Variants in SNUPN observed in about 807,000 individuals in gnomAD.
The protein encoded by SNUPN is snurportin 1.
In SNUPN, 31 loss-of-function variants were observed where a neutral mutation model predicts 39.2. The observed-to-expected ratio is 0.79, with a 90% CI of 0.59 to 1.07. The LOEUF (loss-of-function observed/expected upper bound fraction) is 1.07. SNUPN is among the 50% of genes least tolerant of loss of function. SNUPN has a pLI of 0.00. For missense variants in SNUPN, 382 were observed against 434.2 expected, an observed-to-expected ratio of 0.88 and a Z score of 1.07; for synonymous variants, 132 against 159.0, an observed-to-expected ratio of 0.83 and a Z score of 1.28.
Position 75,598,438 on chromosome 15 carries a change from C to G in SNUPN, c.1003G>C (p.Glu335Gln). ...TTGGGAGTAGACAGGTGCTCCAATT[C>G]ATAGTGCCCATTCTCAGAGGCCTTG... is the stretch of plus-strand genomic sequence containing the variant. ...THKASENGHY[E>Q]LEHLSTPKLK... Residue 335 changes from glutamate (E) to glutamine (Q), a missense_variant, in exon 9 of 9, where the codon GAA (glutamate) becomes CAA (glutamine). By Grantham distance (29) the Glu-to-Gln change is conservative. Coordinates refer to ENST00000308588, the MANE Select transcript of SNUPN (RefSeq NM_005701.4). 4 of 1,614,210 alleles carry G rather than the reference C, an allele frequency of 2.5e-6. No homozygotes were observed. The highest frequency in any genetic ancestry group is 3.4e-6 in the Non-Finnish European group (4 of 1,180,042).
chr15:75,621,191 T>C, intron 1 of SNUPN, 135 bp from the exon 2 acceptor site: 8 of 776,560 alleles, frequency 1.0e-5, no homozygotes, highest in Non-Finnish European at 1.7e-5. Flanking sequence ...AGTGTTTCCA[T>C]GAGACAAAAG....
rs764052472 is a variant in SNUPN at position 75,607,206 on chromosome 15, C to A, written c.600+10G>T. 63 of 1,594,418 alleles carry A rather than the reference C, an allele frequency of 4.0e-5. No homozygotes were observed. Among genetic ancestry groups the A allele is most frequent in the Non-Finnish European group, 5.2e-5 (60 of 1,162,288 alleles). ...ACAGGAAGAGCCACGAGAGGAGGATCCATCCCTACCTGGCAATCATAAAAA... is the reference window on the plus strand; with the variant it reads ...ACAGGAAGAGCCACGAGAGGAGGATACATCCCTACCTGGCAATCATAAAAA... On this transcript the variant is annotated intron_variant, in intron 6 of 8. Transcript: ENST00000308588.
chr15:75,609,533 A>T (rs754294691), intron 5 of SNUPN, 25 bp downstream of exon 5: 1 of 1,582,228 alleles, frequency 6.3e-7, no homozygotes, highest in South Asian at 1.1e-5. Flanking sequence ...TTACTGATCA[A>T]TAAGTAGACA....
intron 5 of SNUPN, among the ~76,000 whole-genome samples, chr15:75,609,283 G>A (rs1488865739): frequency 1.4e-5 from 2 of 139,718 alleles, no homozygotes; most frequent in Non-Finnish European, 3.0e-5. Context: ...TCCGCTTCCT[G>A]GGTTCACGCC....
intron 7 of SNUPN, among the ~76,000 whole-genome samples, chr15:75,602,457 C>T (rs938561305): frequency 3.4e-5 from 5 of 147,572 alleles, no homozygotes; most frequent in South Asian, 2.1e-4. Flanking sequence ...ACCTGGGAGG[C>T]GGAGGTTGCA....
chr15:75,616,146 GT>G (rs59630734), intron 3 of SNUPN, among the ~76,000 whole-genome samples: 26 of 147,384 alleles, frequency 1.8e-4, no homozygotes, highest in Non-Finnish European at 2.9e-4. Flanking sequence ...ATTCTATTGT[GT>G]TTTTTTTTTT....
chr15:75,610,017 T>C lies in SNUPN; in HGVS notation c.304-23A>G. The C allele has an allele frequency of 2.5e-6, 4 of 1,569,378 alleles. No individual in the cohort carries two copies. In the Admixed American group the frequency reaches 6.7e-5, roughly 26 times the overall value. The stretch of plus-strand genomic sequence containing the variant: ...CAACTGGAAATGCAAAAAATAGTGT[T>C]AAAGATCAGCAGGGGTGTGCTACTC... On this transcript the variant is annotated intron_variant, in intron 3 of 8. Transcript: ENST00000308588.
chr15:75,618,518 G>A (rs1012122074), intron 2 of SNUPN, among the ~76,000 whole-genome samples: 17 of 151,862 alleles, frequency 1.1e-4, no homozygotes, highest in African/African-American at 4.1e-4. Flanking sequence ...GAAAGTTTGG[G>A]AAACTGAAAA....
intron 1 of SNUPN, 104 bp from the exon 2 acceptor site, chr15:75,621,160 T>A (rs1010391767): frequency 8.8e-7 from 1 of 1,141,812 alleles, no homozygotes; most frequent in Non-Finnish European, 1.2e-6. Flanking sequence ...TGAAAAAAAA[T>A]TAACTTAATG....
chr15:75,598,746 A>G, intron 8 of SNUPN, 65 bp from the exon 9 acceptor site: 3 of 1,332,126 alleles, frequency 2.3e-6, no homozygotes, highest in South Asian at 1.4e-5. Context: ...AGGAGAGCCT[A>G]TACACACAAG....
chr15:75,619,306 G>T (rs989505579), intron 2 of SNUPN, among the ~76,000 whole-genome samples: 1 of 150,898 alleles, frequency 6.6e-6, no homozygotes, highest in African/African-American at 2.4e-5. Flanking sequence ...AAAAGCTTTT[G>T]TACACATACT....
chr15:75,622,388 A>G lies in SNUPN; in HGVS notation c.-5-1332T>C, dbSNP rs1468370440. On this transcript the variant is annotated intron_variant, in intron 1 of 8. Coordinates refer to ENST00000308588, the MANE Select transcript of SNUPN (RefSeq NM_005701.4). ...GAAGGCTGCTTAACAAGTAACGTCA[A>G]TGCTCCAGTAGTGTGAAGAACTTCC... The G allele has an allele frequency of 7.1e-6, 7 of 985,290 alleles. No homozygotes were observed. In the African/African-American group the frequency reaches 8.7e-5, roughly 12 times the overall value. 61.0% of individuals were successfully genotyped at this position (985,290 alleles called of 1,614,324 possible).
intron 5 of SNUPN, among the ~76,000 whole-genome samples, chr15:75,607,594 C>T (rs538537174): frequency 6.6e-6 from 1 of 152,346 alleles, no homozygotes; most frequent in Admixed American, 6.5e-5. Flanking sequence ...CACATTTACT[C>T]ACCTCAACGA....
At chr15:75,609,681 T>C (rs1033679315) in intron 4 of SNUPN, 30 bp from the exon 5 acceptor site, 30 of 1,540,960 alleles carry the variant, frequency 1.9e-5, no homozygotes, top group African/African-American at 2.7e-5. Flanking sequence ...CCATTCTTAT[T>C]AGACCTCAAG....
chr15:75,605,175 A>G lies in SNUPN; in HGVS notation c.653T>C (p.Leu218Pro), dbSNP rs373228145. ...AGGATTAAGCTTGGTTTTCTCTCCC[A>G]GTCCTTCTTCTTCTGGTAACTTTGA... ...MHSKLPEEEGLGEKTKLNPFK... is the reference protein window; with the variant it reads ...MHSKLPEEEGPGEKTKLNPFK... Residue 218 changes from leucine to proline, a missense_variant, in exon 7 of 9, where the codon CTG (leucine) becomes CCG (proline). Transcript: ENST00000308588. 1.9e-6 allele frequency: 3 copies of G among 1,613,434 alleles called. No homozygotes were observed. In the African/African-American group the frequency reaches 4.0e-5, roughly 22 times the overall value.
At position 75,610,084 on chromosome 15, in the gene SNUPN, T is replaced by C. The variant is rs1020069288; in HGVS notation, c.304-90A>G. The C allele has an allele frequency of 9.3e-5, 92 of 991,046 alleles. No homozygotes were observed. The Admixed American group carries it at 1.4e-3, about 15-fold the overall frequency. The allele number at this position is 991,046 out of a possible 1,614,324, so 61.4% of individuals were successfully genotyped here. On this transcript the variant is annotated intron_variant, in intron 3 of 8. Coordinates refer to ENST00000308588, the MANE Select transcript of SNUPN (RefSeq NM_005701.4). ...AAGGCATTAATATCCTGTGTGTATA[T>C]TAAAAACCTGAGTGAAAGAATGAGG...
chr15:75,611,760 C>T (rs1240852775), intron 3 of SNUPN, among the ~76,000 whole-genome samples: 2 of 151,684 alleles, frequency 1.3e-5, no homozygotes, highest in Non-Finnish European at 2.9e-5. Flanking sequence ...GAGGTTGAGG[C>T]GGGAGAATCA....
chr15:75,601,293 G>A, intron 7 of SNUPN, 75 bp from the exon 8 acceptor site: 1 of 1,101,300 alleles, frequency 9.1e-7, no homozygotes, highest in Non-Finnish European at 1.4e-6. Flanking sequence ...ATCTCTGTCA[G>A]GCCAGGCATA....
At chr15:75,603,971 C>G (rs558127214) in intron 7 of SNUPN, among the ~76,000 whole-genome samples, 1 of 152,202 alleles carries the variant, frequency 6.6e-6, no homozygotes, top group Admixed American at 6.5e-5. Context: ...CAGCACATAT[C>G]TACTTCGTAG....
Sources: allele counts gnomAD v4.1 joint callset (sites outside exome capture counted in the v4.1 genomes callset), GRCh38; gene constraint gnomAD v4.1.1; transcripts MANE v1.5; gene names NCBI Gene and HGNC (gene_info 2026-07-23, HGNC 2026-07-21).